ACOT12: variants seen among roughly 807,000 people sequenced by gnomAD.
ACOT12 encodes acyl-CoA thioesterase 12.
A neutral mutation model predicts 67.7 loss-of-function variants in ACOT12; 51 were observed. The ratio of observed to expected loss-of-function variants is 0.75; its 90% confidence interval spans 0.60 to 0.95. The LOEUF (loss-of-function observed/expected upper bound fraction) is 0.95. ACOT12 is among the 40% of genes least tolerant of loss of function. The probability of loss-of-function intolerance (pLI) is 0.00; values close to 1 mark genes in which losing one functional copy is unlikely to be tolerated. For missense variants in ACOT12, 734 were observed against 708.1 expected (o/e 1.04, Z -0.41); for synonymous variants, 251 against 244.6 (o/e 1.03, Z -0.24).
chr5:81,390,163 T>C (rs1376107085), intron 1 of ACOT12, among the ~76,000 whole-genome samples: 1 of 151,218 alleles, frequency 6.6e-6, no homozygotes, highest in Non-Finnish European at 1.5e-5. Context: ...GATCTCTCTA[T>C]GTTGCCCAGG....
chr5:81,371,208 T>C (rs909822927), intron 3 of ACOT12, among the ~76,000 whole-genome samples: 1 of 152,200 alleles, frequency 6.6e-6, no homozygotes, highest in Non-Finnish European at 1.5e-5. Context: ...TCCTTCTATG[T>C]AGAAATAGTG....
At chr5:81,372,913 C>T (rs72771196) in intron 2 of ACOT12, among the ~76,000 whole-genome samples, 16,301 of 151,806 alleles carry the variant, frequency 0.11, 937 homozygotes, top group South Asian at 0.13. Flanking sequence ...TAGATAAAGC[C>T]CAAAAGATTA....
chr5:81,386,327 A>G (rs1425266389), intron 1 of ACOT12, among the ~76,000 whole-genome samples: 1 of 152,208 alleles, frequency 6.6e-6, no homozygotes, highest in African/African-American at 2.4e-5. Context: ...TATCAGAGAA[A>G]GAGAGATGGG....
intron 5 of ACOT12, among the ~76,000 whole-genome samples, chr5:81,357,657 G>A (rs1471298059): frequency 1.3e-5 from 2 of 152,126 alleles, no homozygotes; most frequent in African/African-American, 4.8e-5. Flanking sequence ...ATGACTTGGA[G>A]AGGATGAAAG....
chr5:81,352,819 C>T (rs1362392358), intron 5 of ACOT12, among the ~76,000 whole-genome samples: 1 of 152,220 alleles, frequency 6.6e-6, no homozygotes, highest in Non-Finnish European at 1.5e-5. Context: ...CATTTGTATG[C>T]TTGTATCACA....
intron 12 of ACOT12, 56 bp downstream of exon 12, chr5:81,335,712 T>A: frequency 6.4e-7 from 1 of 1,556,748 alleles, no homozygotes. Flanking sequence ...AGTATGGAGA[T>A]CATCTTTTAC....
At chr5:81,334,417 G>A (rs1015416916) in intron 12 of ACOT12, among the ~76,000 whole-genome samples, 3 of 152,126 alleles carry the variant, frequency 2.0e-5, no homozygotes, top group African/African-American at 2.4e-5. Context: ...CACTCCCCAC[G>A]ACTTAAGCGA....
intron 11 of ACOT12, among the ~76,000 whole-genome samples, chr5:81,341,965 G>A (rs1759207275): frequency 6.6e-6 from 1 of 152,108 alleles, no homozygotes; most frequent in Non-Finnish European, 1.5e-5. Flanking sequence ...TCACAAGATA[G>A]TGTATAATTA....
chr5:81,366,211 C>A (rs1350988669), intron 3 of ACOT12, among the ~76,000 whole-genome samples: 1 of 152,134 alleles, frequency 6.6e-6, no homozygotes, highest in Admixed American at 6.5e-5. Context: ...AACCAATCTG[C>A]AAGTAACAAC....
chr5:81,362,408 C>G (rs2153854833), intron 4 of ACOT12, among the ~76,000 whole-genome samples: 1 of 152,188 alleles, frequency 6.6e-6, no homozygotes, highest in Non-Finnish European at 1.5e-5. Context: ...TCAGGTGATC[C>G]ACCCGCCTCA....
At chr5:81,352,003 A>C (rs1008551286) in intron 5 of ACOT12, among the ~76,000 whole-genome samples, 1 of 152,372 alleles carries the variant, frequency 6.6e-6, no homozygotes, top group South Asian at 2.1e-4. Flanking sequence ...GCATATAAAA[A>C]GGTATCGACA....
intron 4 of ACOT12, among the ~76,000 whole-genome samples, chr5:81,362,242 C>T (rs1005347178): frequency 1.2e-4 from 18 of 151,448 alleles, no homozygotes; most frequent in African/African-American, 2.7e-4. Flanking sequence ...CTTGGCTCAC[C>T]GCAACTTCTG....
At chr5:81,331,451 C>T (rs1238356291) in intron 13 of ACOT12, among the ~76,000 whole-genome samples, 3 of 152,168 alleles carry the variant, frequency 2.0e-5, no homozygotes, top group South Asian at 2.1e-4. Context: ...GCAGGAGAAT[C>T]GTTTGAACCC....
chr5:81,345,401 T>C (rs1008784836), intron 7 of ACOT12, among the ~76,000 whole-genome samples: 14 of 152,104 alleles, frequency 9.2e-5, no homozygotes, highest in Non-Finnish European at 1.8e-4. Context: ...AATTCTGTAA[T>C]TAAAAAATAA....
At chr5:81,327,744 A>T (rs1758709312), downstream of ACOT12, among the ~76,000 whole-genome samples, 1 of 152,136 alleles carries the variant, frequency 6.6e-6, no homozygotes, top group African/African-American at 2.4e-5. Flanking sequence ...GCTGGCTGAG[A>T]TTCCTTTCTT....
rs999902781 is a variant in ACOT12, at chr5:81,345,792, A to G, written c.773+93T>C. 14 of 1,507,882 alleles carry G rather than the reference A, an allele frequency of 9.3e-6. No homozygotes were observed. The Admixed American group carries it at 9.4e-5, about 10-fold the overall frequency. The allele number at this position is 1,507,882 out of a possible 1,614,324, so 93.4% of individuals were successfully genotyped here. Reference sequence around the variant, plus strand: ...TGCATGAAAAAAATGGAATTTCACTAAAGTAGTTCCCATACTCACCTCCAG... The same window carrying G: ...TGCATGAAAAAAATGGAATTTCACTGAAGTAGTTCCCATACTCACCTCCAG... On this transcript the variant is annotated intron_variant, in intron 7 of 14. Coordinates refer to ENST00000307624, the MANE Select transcript of ACOT12 (RefSeq NM_130767.3).
At chr5:81,344,021 G>A (rs1047394269) in intron 9 of ACOT12, 139 bp downstream of exon 9, 1 of 1,211,928 alleles carries the variant, frequency 8.3e-7, no homozygotes, top group Non-Finnish European at 1.2e-6. Context: ...CCATAAGTCA[G>A]TAGTCAGCCT....
At chr5:81,315,353 T>C in the ACOT12 span, among the ~76,000 whole-genome samples, 1 of 152,168 alleles carries the variant, frequency 6.6e-6, no homozygotes, top group African/African-American at 2.4e-5. Context: ...CCTTCAGGCA[T>C]CTGCTATGAC....
chr5:81,378,219 A>G (rs1760476864), intron 2 of ACOT12, among the ~76,000 whole-genome samples: 2 of 152,232 alleles, frequency 1.3e-5, no homozygotes, highest in Non-Finnish European at 2.9e-5. Context: ...AAACCTGACA[A>G]AAACAAGCAA....
Sources: allele counts gnomAD v4.1 joint callset (sites outside exome capture counted in the v4.1 genomes callset), GRCh38; gene constraint gnomAD v4.1.1; transcripts MANE v1.5; gene names NCBI Gene and HGNC (gene_info 2026-07-23, HGNC 2026-07-21).